The following PNPT1 variants were observed in gnomAD, a reference collection of about 807,000 sequenced individuals.
PNPT1 encodes the protein polyribonucleotide nucleotidyltransferase 1, also known as polyribonucleotide nucleotidyltransferase 1, mitochondrial.
In PNPT1, 53 loss-of-function variants were observed where a neutral mutation model predicts 119.5. The observed-to-expected ratio is 0.44, with a 90% CI of 0.36 to 0.56. PNPT1 has a LOEUF of 0.56. PNPT1 is among the 20% of genes least tolerant of loss of function. The pLI, the probability that PNPT1 is intolerant of heterozygous loss-of-function variation, is 0.00. For missense variants in PNPT1, 948 were observed against 938.5 expected (o/e 1.01, Z -0.13); for synonymous variants, 357 against 322.1 (o/e 1.11, Z -1.16).
At chr2:55,677,596 CAAAAAAAAAAA>C (rs70954146) in intron 8 of PNPT1, among the ~76,000 whole-genome samples, 1 of 33,504 alleles carries the variant, frequency 3.0e-5, no homozygotes, top group Non-Finnish European at 5.2e-5. Context: ...GACTATGTCT[CAAAAAAAAAAA>C]AAAAAAAAAA....
intron 15 of PNPT1, 106 bp from the exon 16 acceptor site, chr2:55,656,477 TTTTG>T: frequency 2.8e-6 from 3 of 1,086,154 alleles, no homozygotes; most frequent in South Asian, 3.3e-5. Flanking sequence ...AGAATCTCAT[TTTTG>T]TTTTTTAAAA....
At chr2:55,682,529 C>G (rs1188415631) in intron 5 of PNPT1, among the ~76,000 whole-genome samples, 2 of 152,064 alleles carry the variant, frequency 1.3e-5, no homozygotes, top group African/African-American at 4.8e-5. Context: ...GTGCCCATGT[C>G]ATGCACTTAA....
intron 10 of PNPT1, 78 bp from the exon 11 acceptor site, chr2:55,671,454 G>GTGTTCATTGTATAAT: frequency 3.6e-6 from 3 of 844,422 alleles, no homozygotes; most frequent in Non-Finnish European, 5.4e-6. Context: ...ATTATACAAT[G>GTGTTCATTGTATAAT]AACACATTGT....
chr2:55,650,738 A>C (rs1245412805), intron 18 of PNPT1, among the ~76,000 whole-genome samples: 20 of 109,156 alleles, frequency 1.8e-4, no homozygotes, highest in Non-Finnish European at 2.1e-4. Context: ...AAGTGAGGAG[A>C]CCCTCCGCCC....
intron 1 of PNPT1, among the ~76,000 whole-genome samples, chr2:55,689,143 G>T (rs1161353380): frequency 2.0e-5 from 3 of 152,132 alleles, no homozygotes; most frequent in Non-Finnish European, 4.4e-5. Context: ...GAAAGTAAAA[G>T]AAACACCATA....
intron 13 of PNPT1, among the ~76,000 whole-genome samples, chr2:55,664,591 C>T (rs1696678158): frequency 6.6e-6 from 1 of 151,772 alleles, no homozygotes; most frequent in African/African-American, 2.4e-5. Context: ...TCAATTCATT[C>T]AAAAAGAAGG....
intron 15 of PNPT1, among the ~76,000 whole-genome samples, chr2:55,657,441 T>C (rs939351140): frequency 1.3e-5 from 2 of 151,816 alleles, no homozygotes; most frequent in Non-Finnish European, 1.5e-5. Flanking sequence ...CAGGCTGGCG[T>C]GCAATGGTGC....
intron 15 of PNPT1, among the ~76,000 whole-genome samples, chr2:55,657,306 G>T (rs1320255917): frequency 6.6e-6 from 1 of 151,764 alleles, no homozygotes; most frequent in Non-Finnish European, 1.5e-5. Flanking sequence ...TTCAGCCTGT[G>T]GAACAGAGAC....
intron 1 of PNPT1, among the ~76,000 whole-genome samples, chr2:55,688,737 A>G (rs375375338): frequency 6.6e-6 from 1 of 151,970 alleles, no homozygotes; most frequent in Non-Finnish European, 1.5e-5. Context: ...AAACAAAACA[A>G]AACAAAACAA....
chr2:55,663,653 G>A (rs1696648251), intron 13 of PNPT1, among the ~76,000 whole-genome samples: 1 of 152,090 alleles, frequency 6.6e-6, no homozygotes, highest in African/African-American at 2.4e-5. Context: ...ATTTGAATGG[G>A]TCCTTTTCAT....
intron 13 of PNPT1, among the ~76,000 whole-genome samples, chr2:55,663,680 A>G (rs569058362): frequency 6.6e-6 from 1 of 152,268 alleles, no homozygotes; most frequent in Admixed American, 6.5e-5. Flanking sequence ...AACATGGAGA[A>G]CAAAAAACAC....
At chr2:55,646,556 C>A in intron 19 of PNPT1, 70 bp from the exon 20 acceptor site, 1 of 1,305,436 alleles carries the variant, frequency 7.7e-7, no homozygotes, top group Non-Finnish European at 1.1e-6. Flanking sequence ...ACTGTAGAAA[C>A]ATTTCAAAAA....
intron 5 of PNPT1, among the ~76,000 whole-genome samples, chr2:55,682,624 G>C (rs2104164559): frequency 6.6e-6 from 1 of 152,032 alleles, no homozygotes; most frequent in South Asian, 2.1e-4. Context: ...AAAAACTTCA[G>C]TGACCGGGTG....
intron 15 of PNPT1, among the ~76,000 whole-genome samples, 166 bp from the exon 16 acceptor site, chr2:55,656,537 A>G (rs1236469697): frequency 1.3e-5 from 2 of 152,234 alleles, no homozygotes; most frequent in Non-Finnish European, 2.9e-5. Context: ...TAAATTTAAC[A>G]TACATACCAA....
chr2:55,652,029 C>T (rs1043827974), intron 18 of PNPT1, among the ~76,000 whole-genome samples: 11 of 152,152 alleles, frequency 7.2e-5, no homozygotes, highest in Non-Finnish European at 2.9e-5. Flanking sequence ...GAAATACAGG[C>T]CCTGCTCCTA....
intron 23 of PNPT1, among the ~76,000 whole-genome samples, chr2:55,644,264 T>TA (rs1403261931): frequency 2.0e-5 from 3 of 152,142 alleles, no homozygotes; most frequent in Non-Finnish European, 4.4e-5. Flanking sequence ...AAGCTTTTTT[T>TA]TATATACTCT....
rs368115303 is a variant in PNPT1, at chr2:55,661,871, CAAT to C, written c.1247+82_1247+84del. 4.6e-4 allele frequency: 566 copies of C among 1,233,682 alleles called. 12 individuals carry two copies. The South Asian group carries it at 9.7e-3, about 21-fold the overall frequency. The allele number at this position is 1,233,682 out of a possible 1,614,324, so 76.4% of individuals were successfully genotyped here. A position where few individuals can be genotyped will look rare whatever the true frequency, so the allele number is the denominator to read the frequency against. Reference sequence around the variant, plus strand: ...CAAAAACACAGGTTAAAAAAAGTAACAATAATTAATAATATACCACATAAGCTT... The same window carrying C: ...CAAAAACACAGGTTAAAAAAAGTAACAATTAATAATATACCACATAAGCTT... On this transcript the variant is annotated intron_variant, in intron 14 of 27. Coordinates refer to ENST00000447944, the MANE Select transcript of PNPT1 (RefSeq NM_033109.5).
chr2:55,683,110 G>C (rs368822197), intron 5 of PNPT1, among the ~76,000 whole-genome samples: 4 of 152,122 alleles, frequency 2.6e-5, no homozygotes, highest in Non-Finnish European at 5.9e-5. Context: ...AATAAAATTA[G>C]GTAATAAAAA....
intron 12 of PNPT1, 30 bp downstream of exon 12, chr2:55,667,832 T>C: frequency 1.9e-6 from 3 of 1,589,866 alleles, no homozygotes; most frequent in Non-Finnish European, 2.6e-6. Context: ...CAGTGCATAC[T>C]TCAATTTCAA....
Sources: allele counts gnomAD v4.1 joint callset (sites outside exome capture counted in the v4.1 genomes callset), GRCh38; gene constraint gnomAD v4.1.1; transcripts MANE v1.5; gene names NCBI Gene and HGNC (gene_info 2026-07-23, HGNC 2026-07-21).